The following CCDC68 variants were observed in gnomAD, a reference collection of about 807,000 sequenced individuals.
CCDC68 encodes the protein coiled-coil domain-containing protein 68.
Under a neutral mutation model 47.1 loss-of-function variants are expected in CCDC68, and 45 were observed. The observed-to-expected ratio is 0.96, with a 90% confidence interval of 0.75 to 1.23. CCDC68 has a LOEUF of 1.23. Among genes scored for constraint, CCDC68 ranks in the 50% most tolerant of loss-of-function variants. The pLI, the probability that CCDC68 is intolerant of heterozygous loss-of-function variation, is 0.00. For missense variants in CCDC68, 353 were observed against 373.6 expected, an observed-to-expected ratio of 0.94 and a Z score of 0.45; for synonymous variants, 131 against 129.5, an observed-to-expected ratio of 1.01 and a Z score of -0.08.
chr18:54,954,057 T>TTTC (rs199955647), intron 1 of CCDC68, among the ~76,000 whole-genome samples: 6,127 of 128,896 alleles, frequency 0.048, 301 homozygotes, highest in African/African-American at 0.13. Flanking sequence ...TCTTTCTTTC[T>TTTC]TTTTTTTTTT....
At chr18:54,942,131 C>T (rs2044448688) in intron 3 of CCDC68, among the ~76,000 whole-genome samples, 1 of 152,206 alleles carries the variant, frequency 6.6e-6, no homozygotes, top group Admixed American at 6.5e-5. Context: ...TAACACATGT[C>T]TGTTGTAAGA....
chr18:54,956,137 A>C (rs1398803765), intron 1 of CCDC68, among the ~76,000 whole-genome samples: 2 of 152,208 alleles, frequency 1.3e-5, no homozygotes, highest in East Asian at 3.9e-4. Context: ...TTACAGGCGC[A>C]TGCCACCACG....
chr18:54,938,647 G>C (rs772696535), intron 4 of CCDC68, among the ~76,000 whole-genome samples: 6 of 152,228 alleles, frequency 3.9e-5, no homozygotes, highest in Non-Finnish European at 5.9e-5. Context: ...TGGAATCGTG[G>C]ACACACGGAG....
chr18:54,951,751 T>C (rs778269842), intron 1 of CCDC68, among the ~76,000 whole-genome samples: 1 of 152,164 alleles, frequency 6.6e-6, no homozygotes, highest in Non-Finnish European at 1.5e-5. Flanking sequence ...CCTGAACAGA[T>C]GTTGTTGTCC....
In CCDC68 at chr18:54,904,079, T is replaced by G. The variant is rs1286101795; in HGVS notation, c.*279A>C. The G allele has an allele frequency of 1.5e-5, 3 of 203,088 alleles. No individual in the cohort carries two copies. Among genetic ancestry groups the G allele is most frequent in the Non-Finnish European group, 2.4e-5 (3 of 122,874 alleles). The allele number at this position is 203,088 out of a possible 1,614,324, so 12.6% of individuals were successfully genotyped here. On this transcript the variant is annotated 3_prime_UTR_variant, in exon 12 of 12. Transcript: ENST00000591504. Reference sequence around the variant, plus strand: ...TAGAAAAAAAAATCTGAAAACAAGATTCAGATTTTTTTTTTTTTTTAATTT... The same window carrying G: ...TAGAAAAAAAAATCTGAAAACAAGAGTCAGATTTTTTTTTTTTTTTAATTT...
intron 6 of CCDC68, among the ~76,000 whole-genome samples, chr18:54,936,500 C>T (rs552085579): frequency 1.3e-5 from 2 of 151,956 alleles, no homozygotes; most frequent in African/African-American, 2.4e-5. Flanking sequence ...GGCCATCTAG[C>T]GAGTCAACGG....
chr18:54,920,505 T>C (rs776697559), intron 8 of CCDC68, among the ~76,000 whole-genome samples: 2 of 152,192 alleles, frequency 1.3e-5, no homozygotes, highest in Non-Finnish European at 1.5e-5. Context: ...CCTCTATGTG[T>C]ATCACAAAGA....
chr18:54,947,218 TTTTA>T (rs1007571084), intron 1 of CCDC68, among the ~76,000 whole-genome samples: 3 of 152,240 alleles, frequency 2.0e-5, no homozygotes, highest in African/African-American at 7.2e-5. Context: ...AAGGAAAGAC[TTTTA>T]TTTGTCTTAT....
At chr18:54,948,671 G>A (rs1032934847) in intron 1 of CCDC68, among the ~76,000 whole-genome samples, 1 of 152,192 alleles carries the variant, frequency 6.6e-6, no homozygotes, top group Non-Finnish European at 1.5e-5. Context: ...TGGTTACAGG[G>A]CTGAGCCAAA....
At chr18:54,953,141 A>T (rs1365010919) in intron 1 of CCDC68, among the ~76,000 whole-genome samples, 1 of 152,240 alleles carries the variant, frequency 6.6e-6, no homozygotes, top group Non-Finnish European at 1.5e-5. Flanking sequence ...ATTCTAGAAA[A>T]GTAAAAACTG....
chr18:54,904,546 G>T, intron 11 of CCDC68, 131 bp from the exon 12 acceptor site: 1 of 704,520 alleles, frequency 1.4e-6, no homozygotes, highest in Non-Finnish European at 2.4e-6. Flanking sequence ...TCTAAGAGAT[G>T]TGTTAATAGA....
intron 1 of CCDC68, among the ~76,000 whole-genome samples, chr18:54,954,158 C>T (rs1324411900): frequency 6.6e-6 from 1 of 151,644 alleles, no homozygotes; most frequent in Admixed American, 6.6e-5. Context: ...CAGGTTCAAG[C>T]AATTCTCCTG....
In CCDC68 at chr18:54,917,935, T is replaced by C. The variant is rs748069112; in HGVS notation, c.851A>G (p.Lys284Arg). 2 of 1,577,084 alleles carry C rather than the reference T, an allele frequency of 1.3e-6. No homozygotes were observed. ...QDKRIENLRE[K>R]VNILEAQNKE... ...TACCTGGGCTTCAAGTATGTTAACC[T>C]TTTCTCTGAGATTTTCAATTCTTTT... The change falls in exon 10 of 12, where the codon AAG (lysine) becomes AGG (arginine). Residue 284 changes from lysine (K) to arginine (R), a missense_variant. Lys to Arg is a conservative substitution (Grantham distance 26). Coordinates refer to ENST00000591504, the MANE Select transcript of CCDC68 (RefSeq NM_025214.3).
chr18:54,918,001 G>T lies in CCDC68; in HGVS notation c.790-5C>A. 7.6e-7 allele frequency: 1 copy of T among 1,315,388 alleles called. No individual in the cohort carries two copies. 81.5% of individuals were successfully genotyped at this position (1,315,388 alleles called of 1,614,324 possible). A position where few individuals can be genotyped will look rare whatever the true frequency, so the allele number is the denominator to read the frequency against. ...ATTATTTTTTAATCCTTCCATCTAA[G>T]AATTAGAAAACACAATAGGAAAAAC... On this transcript the variant is annotated splice_polypyrimidine_tract_variant and splice_region_variant and intron_variant, in intron 9 of 11. Coordinates refer to ENST00000591504, the MANE Select transcript of CCDC68 (RefSeq NM_025214.3).
intron 1 of CCDC68, among the ~76,000 whole-genome samples, chr18:54,949,307 A>G (rs4374253): frequency 0.99 from 150,790 of 152,366 alleles, 74,639 homozygotes; most frequent in East Asian, 1. Context: ...CTAGAGCAGT[A>G]TTCTAAGAAA....
Position 54,902,687 on chromosome 18 carries a change from A to T in CCDC68, c.*1671T>A, listed in dbSNP as rs895473706. 1 of 152,260 alleles carries T rather than the reference A, an allele frequency of 6.6e-6. No individual in the cohort carries two copies. The highest frequency in any genetic ancestry group is 1.5e-5 in the Non-Finnish European group (1 of 68,026). The allele number at this position is 152,260 out of a possible 1,614,324, so 9.4% of individuals were successfully genotyped here. A position where few individuals can be genotyped will look rare whatever the true frequency, so the allele number is the denominator to read the frequency against. ...CTTACTGTCATCCACAAAATAACAC[A>T]GGCAGTCATCCAGGAAGCTATGTGT... is the stretch of plus-strand genomic sequence containing the variant. On this transcript the variant is annotated 3_prime_UTR_variant, in exon 12 of 12. Transcript: ENST00000591504.
chr18:54,903,956 TG>T lies in CCDC68; in HGVS notation c.*401del, dbSNP rs1251867183. ...CCTTCATACATATATATGCAGGAAA[TG>T]TATGTTCATTCATACACATATACAC... On this transcript the variant is annotated 3_prime_UTR_variant, in exon 12 of 12. Transcript: ENST00000591504. 1 of 158,442 alleles carries T rather than the reference TG, an allele frequency of 6.3e-6. No individual in the cohort carries two copies. The highest frequency in any genetic ancestry group is 2.4e-5 in the African/African-American group (1 of 41,552). 9.8% of individuals were successfully genotyped at this position (158,442 alleles called of 1,614,324 possible). A position where few individuals can be genotyped will look rare whatever the true frequency, so the allele number is the denominator to read the frequency against.
intron 3 of CCDC68, 36 bp downstream of exon 3, chr18:54,942,639 A>C: frequency 7.9e-7 from 1 of 1,272,834 alleles, no homozygotes; most frequent in East Asian, 2.4e-5. Context: ...TCTTTAAAAA[A>C]TCATATCATA....
intron 2 of CCDC68, among the ~76,000 whole-genome samples, chr18:54,945,058 T>C (rs1263734587): frequency 5.3e-5 from 8 of 152,234 alleles, no homozygotes; most frequent in Non-Finnish European, 1.2e-4. Context: ...TTTAAAAGGA[T>C]TGTATCTTTT....
Sources: gnomAD v4.1 joint callset for allele counts (sites outside exome capture counted in the v4.1 genomes callset) on GRCh38, gnomAD v4.1.1 for gene constraint, MANE v1.5 for transcripts, NCBI Gene and HGNC (gene_info 2026-07-23, HGNC 2026-07-21) for gene names.